MACF1: variants seen among roughly 807,000 people sequenced by gnomAD.
The protein encoded by MACF1 is microtubule-actin cross-linking factor 1.
In MACF1, 193 loss-of-function variants were observed where a neutral mutation model predicts 854.8. The observed-to-expected ratio is 0.23, with a 90% CI of 0.20 to 0.25. The LOEUF (loss-of-function observed/expected upper bound fraction) is 0.25. MACF1 is among the 10% of genes least tolerant of loss of function. The pLI is 1.00. For missense variants in MACF1, 7,722 were observed against 8,929.1 expected, an observed-to-expected ratio of 0.86 and a Z score of 5.45; for synonymous variants, 3,185 against 3,226.7, an observed-to-expected ratio of 0.99 and a Z score of 0.44.
At position 39,347,192 on chromosome 1, in the gene MACF1, G is replaced by A; in HGVS notation, c.10797G>A (p.Glu3599=). 1 of 1,613,502 alleles carries A rather than the reference G, an allele frequency of 6.2e-7. No homozygotes were observed. The highest frequency in any genetic ancestry group is 1.1e-5 in the South Asian group (1 of 90,972). ...TGCAGGGCCATCTTCAACAAATGGA[G>A]CAGGAAGCCCTGGTGAAGGTCAGAC... ...DALQGHLQQM[E]QEALVKTLQK... is the part of the protein sequence containing the mutation. Residue 3599 remains glutamate, a synonymous_variant, in exon 41 of 101, where the codon GAG becomes GAA. Transcript: ENST00000564288.
chr1:39,331,803 A>C lies in MACF1; in HGVS notation c.5215A>C (p.Ser1739Arg). Residue 1739 changes from serine to arginine, a missense_variant, in exon 37 of 101, where the codon AGC (serine) becomes CGC (arginine). Ser to Arg is a moderately radical substitution (Grantham distance 110, BLOSUM62 -1). This residue lies in a region of MACF1 where 1,531 missense variants were observed against 1,601.6 expected (regional missense o/e 0.96). Coordinates refer to ENST00000564288, the MANE Select transcript of MACF1 (RefSeq NM_001394062.1). The stretch of plus-strand genomic sequence containing the variant: ...CAAACAATTGGCAGGGGGGATGGTG[A>C]GCTTGAAATCAGGCCGGAAGGTTAG... ...PVKQLAGGMV[S>R]LKSGRKVSIF... The C allele has an allele frequency of 6.2e-7, 1 of 1,614,170 alleles. No individual in the cohort carries two copies. Among genetic ancestry groups the C allele is most frequent in the South Asian group, 1.1e-5 (1 of 91,088 alleles).
intron 6 of MACF1, 57 bp downstream of exon 6, chr1:39,258,085 T>G (rs988898869): frequency 7.5e-7 from 1 of 1,340,476 alleles, no homozygotes; most frequent in African/African-American, 1.4e-5. Context: ...GCCTAGAAAG[T>G]TGCACTGCCT....
intron 38 of MACF1, among the ~76,000 whole-genome samples, chr1:39,337,580 T>TTG (rs386366749): frequency 4.0e-5 from 6 of 149,012 alleles, no homozygotes; most frequent in Admixed American, 4.0e-4. Context: ...TTTTTTTTTT[T>TTG]TTTGAGATAG....
chr1:39,227,207 C>T (rs1644726849), intron 1 of MACF1, among the ~76,000 whole-genome samples: 1 of 152,158 alleles, frequency 6.6e-6, no homozygotes, highest in Non-Finnish European at 1.5e-5. Context: ...AGCCACCTTG[C>T]CTGGCATGGT....
chr1:39,191,626 AG>A (rs922922957), intron 2 of MACF1, among the ~76,000 whole-genome samples: 8 of 152,348 alleles, frequency 5.3e-5, no homozygotes, highest in African/African-American at 1.7e-4. Flanking sequence ...GCTGTGCCAC[AG>A]GGTGTGATGC....
upstream of MACF1, among the ~76,000 whole-genome samples, chr1:39,204,009 C>T (rs1644422239): frequency 6.6e-6 from 1 of 152,206 alleles, no homozygotes. Flanking sequence ...CACAGTGGCA[C>T]ATGCCTGTAA....
At chr1:39,314,720 A>AT (rs1646378662) in intron 26 of MACF1, among the ~76,000 whole-genome samples, 1 of 152,052 alleles carries the variant, frequency 6.6e-6, no homozygotes, top group Admixed American at 6.6e-5. Context: ...AACCTGCTTT[A>AT]TGTTATCCAC....
chr1:39,465,139 T>C (rs1340379026), intron 95 of MACF1, 27 bp downstream of exon 95: 1 of 1,607,236 alleles, frequency 6.2e-7, no homozygotes, highest in Non-Finnish European at 8.5e-7. Context: ...AATGTTCTCC[T>C]TCTCAATGGA....
At chr1:39,186,797 T>TG (rs946996438) in intron 2 of MACF1, among the ~76,000 whole-genome samples, 1 of 151,710 alleles carries the variant, frequency 6.6e-6, no homozygotes, top group Non-Finnish European at 1.5e-5. Flanking sequence ...TTTGTAGAGT[T>TG]GGGGGTCTTG....
chr1:39,415,097 G>A (rs904019807), intron 58 of MACF1, among the ~76,000 whole-genome samples: 1 of 152,184 alleles, frequency 6.6e-6, no homozygotes, highest in Non-Finnish European at 1.5e-5. Context: ...AAAGTAGATT[G>A]GAGAGAAGCA....
chr1:39,262,792 T>G (rs1012571284), intron 6 of MACF1, among the ~76,000 whole-genome samples: 7 of 152,308 alleles, frequency 4.6e-5, no homozygotes, highest in African/African-American at 1.2e-4. Flanking sequence ...TTTATTTGTC[T>G]TCTTGTAGGT....
At chr1:39,190,149 A>G (rs1386844258) in intron 2 of MACF1, among the ~76,000 whole-genome samples, 1 of 152,184 alleles carries the variant, frequency 6.6e-6, no homozygotes, top group Non-Finnish European at 1.5e-5. Flanking sequence ...CTGGTTTATC[A>G]AAGGTTAACC....
chr1:39,098,437 G>C (rs1364527032), intron 2 of MACF1, among the ~76,000 whole-genome samples: 1 of 152,218 alleles, frequency 6.6e-6, no homozygotes, highest in African/African-American at 2.4e-5. Context: ...CCATTACAAG[G>C]AACAGTAGTT....
In MACF1 at chr1:39,239,381, G is replaced by C. The variant is rs547641640; in HGVS notation, c.171+8138G>C. On this transcript the variant is annotated intron_variant, in intron 2 of 100. Transcript: ENST00000564288. The stretch of plus-strand genomic sequence containing the variant: ...GATCTTGGAATCTCTTGGATTCCCT[G>C]ATAACCTTTTGGGAAACAGCTTACT... Among the ~76,000 whole-genome samples, 10 of 152,326 alleles carry C rather than the reference G, an allele frequency of 6.6e-5. 1 individual carries two copies. The South Asian group carries it at 1.2e-3, about 19-fold the overall frequency.
At position 39,302,919 on chromosome 1, in the gene MACF1, T is replaced by A; in HGVS notation, c.2635-5T>A. ...TAGCAATCACTGGTAAATTTATCTC[T>A]TCAGATTACTATTTGCAAAAATGAT... On this transcript the variant is annotated splice_region_variant and splice_polypyrimidine_tract_variant and intron_variant, in intron 22 of 100. Transcript: ENST00000564288. 1.2e-6 allele frequency: 2 copies of A among 1,613,290 alleles called. No individual in the cohort carries two copies. The highest frequency in any genetic ancestry group is 2.2e-5 in the South Asian group (2 of 91,008).
chr1:39,414,640 A>C, intron 58 of MACF1: 3 of 1,120,068 alleles, frequency 2.7e-6, no homozygotes, highest in Non-Finnish European at 3.7e-6. Context: ...GGGAAAATAT[A>C]CTTTAATTTT....
intron 6 of MACF1, among the ~76,000 whole-genome samples, chr1:39,262,789 GTCT>G (rs1645179506): frequency 6.6e-6 from 1 of 152,096 alleles, no homozygotes; most frequent in Admixed American, 6.5e-5. Context: ...CTATTTATTT[GTCT>G]TCTTGTAGGT....
Position 39,441,244 on chromosome 1 carries a change from C to T in MACF1, c.18591C>T (p.Asn6197=), listed in dbSNP as rs1388715106. Residue 6197 remains asparagine, a synonymous_variant, in exon 74 of 101, where the codon AAC becomes AAT. Coordinates refer to ENST00000564288, the MANE Select transcript of MACF1 (RefSeq NM_001394062.1). ...SIDEMNNAWE[N]LNKTWKERLE... is the part of the protein sequence containing the mutation. Reference sequence around the variant, plus strand: ...CCTAGATGAATAATGCTTGGGAGAACTTAAACAAAACATGGAAAGAGAGGC... The same window carrying T: ...CCTAGATGAATAATGCTTGGGAGAATTTAAACAAAACATGGAAAGAGAGGC... The T allele has an allele frequency of 6.2e-7, 1 of 1,614,060 alleles. No individual in the cohort carries two copies. Among genetic ancestry groups the T allele is most frequent in the East Asian group, 2.2e-5 (1 of 44,874 alleles).
chr1:39,125,896 G>A (rs1370996572), intron 2 of MACF1, among the ~76,000 whole-genome samples: 1 of 152,182 alleles, frequency 6.6e-6, no homozygotes, highest in Non-Finnish European at 1.5e-5. Context: ...GGAAGGCTGA[G>A]GCAGGAGAAT....
Sources: allele counts gnomAD v4.1 joint callset (sites outside exome capture counted in the v4.1 genomes callset), GRCh38; gene constraint gnomAD v4.1.1; regional missense constraint gnomAD v4.1.1; transcripts MANE v1.5; gene names NCBI Gene and HGNC (gene_info 2026-07-23, HGNC 2026-07-21).